The following CCSER1 variants were observed in gnomAD, a reference collection of about 807,000 sequenced individuals.
The protein encoded by CCSER1 is coiled-coil serine rich protein 1.
Under a neutral mutation model 82.0 loss-of-function variants are expected in CCSER1, and 41 were observed. The ratio of observed to expected loss-of-function variants is 0.50; its 90% CI spans 0.39 to 0.65. The LOEUF is 0.65. Among genes scored for constraint, CCSER1 ranks in the 30% least tolerant of loss-of-function variants. The pLI is 0.00. For missense variants in CCSER1, 1,119 were observed against 1,064.2 expected, an observed-to-expected ratio of 1.05 and a Z score of -0.72; for synonymous variants, 414 against 383.9, an observed-to-expected ratio of 1.08 and a Z score of -0.92.
At chr4:90,223,495 T>A (rs1560825340) in intron 1 of CCSER1, among the ~76,000 whole-genome samples, 1 of 152,210 alleles carries the variant, frequency 6.6e-6, no homozygotes, top group Non-Finnish European at 1.5e-5. Flanking sequence ...AAATATTGAT[T>A]GCATTGATTT....
At chr4:90,300,251 T>G (rs1226146083) in intron 1 of CCSER1, among the ~76,000 whole-genome samples, 3 of 152,170 alleles carry the variant, frequency 2.0e-5, no homozygotes, top group Admixed American at 1.3e-4. Flanking sequence ...TTTATGTCAT[T>G]TTTAATAGAC....
intron 10 of CCSER1, among the ~76,000 whole-genome samples, chr4:91,206,019 A>T (rs1481625308): frequency 6.6e-6 from 1 of 151,880 alleles, no homozygotes; most frequent in Non-Finnish European, 1.5e-5. Context: ...TAAAGCAAAG[A>T]TGCGTAAGCT....
At chr4:91,225,398 A>T (rs1350868021) in intron 10 of CCSER1, among the ~76,000 whole-genome samples, 4 of 141,896 alleles carry the variant, frequency 2.8e-5, no homozygotes, top group Non-Finnish European at 4.6e-5. Flanking sequence ...ATATATATTC[A>T]TATATATTAT....
intron 10 of CCSER1, chr4:91,107,985 C>A (rs1388844148): frequency 1.3e-5 from 2 of 152,116 alleles, no homozygotes; most frequent in Non-Finnish European, 2.9e-5. Flanking sequence ...TCTGCCATAC[C>A]GATGTCCTGA....
chr4:91,288,394 G>A (rs564564916), intron 10 of CCSER1, among the ~76,000 whole-genome samples: 15 of 151,962 alleles, frequency 9.9e-5, no homozygotes, highest in African/African-American at 3.4e-4. Flanking sequence ...GGTGAGACCA[G>A]TTGTAGCAGA....
intron 5 of CCSER1, among the ~76,000 whole-genome samples, chr4:90,537,956 A>G (rs1016739163): frequency 2.6e-5 from 4 of 152,084 alleles, no homozygotes; most frequent in Admixed American, 2.6e-4. Flanking sequence ...CTAAGAGCTC[A>G]TCTTTAAATT....
At chr4:91,597,222 C>T (rs1003491426) in intron 10 of CCSER1, among the ~76,000 whole-genome samples, 9 of 151,768 alleles carry the variant, frequency 5.9e-5, no homozygotes, top group Admixed American at 3.3e-4. Context: ...GTCTGTATAA[C>T]GGGAATAAAA....
intron 10 of CCSER1, among the ~76,000 whole-genome samples, chr4:91,241,327 A>T (rs1383343459): frequency 4.3e-5 from 5 of 116,218 alleles, no homozygotes; most frequent in South Asian, 2.7e-4. Context: ...CATAAAATAC[A>T]TTTTTTTTTT....
intron 8 of CCSER1, among the ~76,000 whole-genome samples, chr4:90,857,030 C>T (rs141600162): frequency 6.7e-4 from 101 of 151,572 alleles, no homozygotes; most frequent in Non-Finnish European, 1.4e-3. Flanking sequence ...TTACTTCAAT[C>T]GCATATTAAT....
Position 90,272,599 on chromosome 4 carries a change from T to C in CCSER1, c.-41-35645T>C, listed in dbSNP as rs945046699. ...AAGAAATCAATATGTTAAAGAGATA[T>C]GGACACTCCTATGTTTATTGCAGCA... On this transcript the variant is annotated intron_variant, in intron 1 of 10. Transcript: ENST00000509176. Among the ~76,000 whole-genome samples, 7 of 152,156 alleles carry C rather than the reference T, an allele frequency of 4.6e-5. No individual in the cohort carries two copies. In the South Asian group the frequency reaches 6.2e-4, roughly 13 times the overall value.
At chr4:90,145,513 A>G (rs1725643190) in intron 1 of CCSER1, among the ~76,000 whole-genome samples, 1 of 152,032 alleles carries the variant, frequency 6.6e-6, no homozygotes, top group Non-Finnish European at 1.5e-5. Flanking sequence ...GGGCTGACTC[A>G]CCGTATTTAA....
intron 9 of CCSER1, among the ~76,000 whole-genome samples, chr4:90,956,994 G>T (rs1056638255): frequency 6.8e-6 from 1 of 147,414 alleles, no homozygotes; most frequent in Non-Finnish European, 1.5e-5. Context: ...GCCCAGGCTG[G>T]TCTTGAATTC....
intron 10 of CCSER1, among the ~76,000 whole-genome samples, chr4:91,146,572 ATCT>A (rs201777491): frequency 1.0e-4 from 7 of 67,236 alleles, no homozygotes; most frequent in South Asian, 3.8e-4. Flanking sequence ...TTCTTTCTTT[ATCT>A]TCTTCTTTTT....
At chr4:91,013,836 T>C (rs1739209823) in intron 9 of CCSER1, among the ~76,000 whole-genome samples, 1 of 128,808 alleles carries the variant, frequency 7.8e-6, no homozygotes, top group African/African-American at 2.5e-5. Flanking sequence ...TTAGCCAGGA[T>C]GGTCTGAATC....
chr4:90,415,369 G>C (rs1387614214), intron 4 of CCSER1, among the ~76,000 whole-genome samples: 2 of 152,130 alleles, frequency 1.3e-5, no homozygotes, highest in Non-Finnish European at 2.9e-5. Context: ...GCCTTATAAG[G>C]AACGTACTTA....
At chr4:90,879,864 C>T (rs1041237763) in intron 8 of CCSER1, among the ~76,000 whole-genome samples, 1 of 152,116 alleles carries the variant, frequency 6.6e-6, no homozygotes, top group South Asian at 2.1e-4. Flanking sequence ...TCAATAGATA[C>T]AGTATAGATG....
At chr4:90,763,765 C>A (rs1296546062) in intron 7 of CCSER1, among the ~76,000 whole-genome samples, 4 of 152,136 alleles carry the variant, frequency 2.6e-5, no homozygotes, top group Admixed American at 2.6e-4. Context: ...CTCTTCCTCA[C>A]TGAGTCTTTG....
intron 8 of CCSER1, among the ~76,000 whole-genome samples, chr4:90,889,563 AT>A (rs1045452126): frequency 2.0e-5 from 3 of 152,006 alleles, no homozygotes; most frequent in Non-Finnish European, 4.4e-5. Context: ...GCTAGAGCAA[AT>A]TTTTTTTAAT....
intron 9 of CCSER1, among the ~76,000 whole-genome samples, chr4:90,993,324 AATT>A (rs755347532): frequency 6.6e-6 from 1 of 152,052 alleles, no homozygotes; most frequent in Non-Finnish European, 1.5e-5. Context: ...ATTGTGATTT[AATT>A]ATTCTCGGGT....
Sources: gnomAD v4.1 joint callset for allele counts (sites outside exome capture counted in the v4.1 genomes callset) on GRCh38, gnomAD v4.1.1 for gene constraint, MANE v1.5 for transcripts, NCBI Gene and HGNC (gene_info 2026-07-23, HGNC 2026-07-21) for gene names.